MKLN1: variants seen among roughly 807,000 people sequenced by gnomAD.
The protein encoded by MKLN1 is muskelin.
A neutral mutation model predicts 99.0 loss-of-function variants in MKLN1; 18 were observed. The observed-to-expected ratio is 0.18, with a 90% CI of 0.13 to 0.27. The LOEUF (loss-of-function observed/expected upper bound fraction) is 0.27, where lower values mean the gene tolerates loss of function less well. Ranked by LOEUF, MKLN1 falls within the 10% of genes least tolerant of loss-of-function variation. MKLN1 has a pLI of 1.00. For synonymous variants in MKLN1, 288 were observed against 293.2 expected, an observed-to-expected ratio of 0.98 and a Z score of 0.18; for missense variants, 621 against 875.9, an observed-to-expected ratio of 0.71 and a Z score of 3.67.
chr7:131,430,649 C>A (rs1795497005), intron 9 of MKLN1, among the ~76,000 whole-genome samples: 1 of 152,152 alleles, frequency 6.6e-6, no homozygotes, highest in Admixed American at 6.5e-5. Context: ...TCATCCAATA[C>A]CACATTTCAA....
chr7:131,297,138 G>A (rs1430001750), intron 3 of MKLN1, among the ~76,000 whole-genome samples: 4 of 152,088 alleles, frequency 2.6e-5, no homozygotes, highest in African/African-American at 9.6e-5. Context: ...AGATCACGAG[G>A]AGATTGAGAA....
chr7:131,273,197 C>T (rs1464746493), intron 3 of MKLN1, among the ~76,000 whole-genome samples: 2 of 152,182 alleles, frequency 1.3e-5, no homozygotes, highest in African/African-American at 4.8e-5. Flanking sequence ...TTCCACTGTG[C>T]CACTGTGCTT....
chr7:131,228,121 T>C (rs1279838147), intron 3 of MKLN1, among the ~76,000 whole-genome samples: 2 of 152,216 alleles, frequency 1.3e-5, no homozygotes, highest in African/African-American at 4.8e-5. Context: ...TGGAGTGCAG[T>C]GGTGCAACCT....
At chr7:131,228,236 T>G (rs902913428) in intron 3 of MKLN1, among the ~76,000 whole-genome samples, 2 of 152,186 alleles carry the variant, frequency 1.3e-5, no homozygotes, top group Non-Finnish European at 2.9e-5. Context: ...GCTAATTTTA[T>G]TTTTGTAGAG....
chr7:131,348,465 G>A (rs953839851), intron 1 of MKLN1, among the ~76,000 whole-genome samples: 3 of 151,618 alleles, frequency 2.0e-5, no homozygotes, highest in African/African-American at 7.3e-5. Context: ...ATCCATTGCG[G>A]TAATATTTGA....
intron 12 of MKLN1, among the ~76,000 whole-genome samples, 189 bp downstream of exon 12, chr7:131,446,092 A>T (rs1446906768): frequency 6.6e-6 from 1 of 152,112 alleles, no homozygotes; most frequent in East Asian, 1.9e-4. Context: ...GGGAATTACT[A>T]TTTCCTTCAA....
At chr7:131,359,038 A>G (rs1047163723) in intron 1 of MKLN1, among the ~76,000 whole-genome samples, 1 of 151,418 alleles carries the variant, frequency 6.6e-6, no homozygotes, top group African/African-American at 2.4e-5. Context: ...AGATTTATTT[A>G]TTTATTTATT....
At chr7:131,273,378 G>T (rs1797915864) in intron 3 of MKLN1, among the ~76,000 whole-genome samples, 1 of 152,188 alleles carries the variant, frequency 6.6e-6, no homozygotes, top group Admixed American at 6.5e-5. Context: ...TTTCCCTGGA[G>T]GACCACTGGG....
intron 3 of MKLN1, among the ~76,000 whole-genome samples, chr7:131,321,919 A>G (rs1234514557): frequency 6.6e-6 from 1 of 152,262 alleles, no homozygotes; most frequent in African/African-American, 2.4e-5. Context: ...TTACTCATGA[A>G]GGCCCAAATG....
intron 2 of MKLN1, among the ~76,000 whole-genome samples, chr7:131,170,844 C>T (rs1019322057): frequency 1.1e-4 from 17 of 152,288 alleles, no homozygotes; most frequent in Admixed American, 3.9e-4. Flanking sequence ...TGCATGAAAA[C>T]GCTGAAGTAC....
chr7:131,283,516 C>G (rs1409505288), intron 3 of MKLN1, among the ~76,000 whole-genome samples: 1 of 151,264 alleles, frequency 6.6e-6, no homozygotes. Flanking sequence ...CTCACTGCAG[C>G]CTTGACCTCC....
At chr7:131,417,003 A>AAC (rs1469505312) in intron 8 of MKLN1, among the ~76,000 whole-genome samples, 1 of 150,826 alleles carries the variant, frequency 6.6e-6, no homozygotes, top group Non-Finnish European at 1.5e-5. Context: ...AAAAAAAAAA[A>AAC]CTCAAAGAGG....
chr7:131,239,135 G>A (rs1797364806), intron 3 of MKLN1, among the ~76,000 whole-genome samples: 1 of 151,996 alleles, frequency 6.6e-6, no homozygotes, highest in African/African-American at 2.4e-5. Flanking sequence ...GGGGAGGGTG[G>A]CAGGGTACTC....
chr7:131,318,736 G>T (rs182563003), intron 3 of MKLN1, among the ~76,000 whole-genome samples: 11 of 152,016 alleles, frequency 7.2e-5, no homozygotes, highest in African/African-American at 2.7e-4. Flanking sequence ...GAATCAAATA[G>T]ACACAATAAA....
At chr7:131,281,687 T>A (rs1385936798) in intron 3 of MKLN1, among the ~76,000 whole-genome samples, 1 of 151,186 alleles carries the variant, frequency 6.6e-6, no homozygotes, top group Non-Finnish European at 1.5e-5. Flanking sequence ...CATATTTCTT[T>A]TCTTTTTTTT....
At chr7:131,222,898 C>T (rs1350118698) in intron 3 of MKLN1, among the ~76,000 whole-genome samples, 1 of 151,338 alleles carries the variant, frequency 6.6e-6, no homozygotes, top group Non-Finnish European at 1.5e-5. Context: ...AAAAACTAGC[C>T]ATGCATGGTG....
chr7:131,132,389 G>A (rs189887569), intron 1 of MKLN1, among the ~76,000 whole-genome samples: 37 of 152,266 alleles, frequency 2.4e-4, no homozygotes, highest in African/African-American at 8.4e-4. Context: ...ACAGACTAGG[G>A]TATGGTTATC....
chr7:131,394,732 G>T (rs753978814), intron 4 of MKLN1, among the ~76,000 whole-genome samples: 6 of 152,018 alleles, frequency 3.9e-5, no homozygotes, highest in Non-Finnish European at 7.3e-5. Context: ...CCTGGTATCA[G>T]CTATTCTGGA....
chr7:131,174,958 GAT>G, intron 2 of MKLN1, among the ~76,000 whole-genome samples: 2 of 1,770 alleles, frequency 1.1e-3, no homozygotes, highest in Non-Finnish European at 2.8e-3. Context: ...GTAGATGATA[GAT>G]AGATAGATAG....
Sources: gnomAD v4.1 joint callset for allele counts (sites outside exome capture counted in the v4.1 genomes callset) on GRCh38, gnomAD v4.1.1 for gene constraint, MANE v1.5 for transcripts, NCBI Gene and HGNC (gene_info 2026-07-23, HGNC 2026-07-21) for gene names.